NFATC1: variants seen among roughly 807,000 people sequenced by gnomAD.
The protein encoded by NFATC1 is nuclear factor of activated T-cells, cytoplasmic 1.
NFATC1 carries 22 observed loss-of-function variants against 76.0 expected under a neutral mutation model. The observed-to-expected ratio is 0.29, with a 90% CI of 0.21 to 0.41. The LOEUF (loss-of-function observed/expected upper bound fraction) is 0.41, where lower values mean the gene tolerates loss of function less well. NFATC1 is among the 10% of genes least tolerant of loss of function. The probability of loss-of-function intolerance (pLI) is 1.00; values close to 1 mark genes in which losing one functional copy is unlikely to be tolerated. For synonymous variants in NFATC1, 704 were observed against 613.1 expected (o/e 1.15, Z -2.19); for missense variants, 1,357 against 1,337.7 (o/e 1.01, Z -0.23).
intron 8 of NFATC1, among the ~76,000 whole-genome samples, chr18:79,483,906 CCT>C (rs1176107237): frequency 2.1e-5 from 3 of 144,840 alleles, no homozygotes; most frequent in African/African-American, 7.8e-5. Flanking sequence ...TCCAGCGTGA[CCT>C]GGTTCCTGGG....
At chr18:79,482,465 T>C (rs2089317136) in intron 8 of NFATC1, among the ~76,000 whole-genome samples, 1 of 136,418 alleles carries the variant, frequency 7.3e-6, no homozygotes, top group African/African-American at 2.8e-5. Flanking sequence ...CGTGACCTGG[T>C]TCCTGGGGTG....
intron 7 of NFATC1, among the ~76,000 whole-genome samples, chr18:79,466,181 G>A (rs1430976552): frequency 6.6e-6 from 1 of 152,164 alleles, no homozygotes; most frequent in Admixed American, 6.5e-5. Context: ...ACCTCAAGTT[G>A]TCTTCAGTTT....
rs774726183 is a variant in NFATC1 at position 79,410,710 on chromosome 18, C to T, written c.435C>T (p.Leu145=). 5.6e-6 allele frequency: 9 copies of T among 1,613,106 alleles called. No homozygotes were observed. The highest frequency in any genetic ancestry group is 5.9e-6 in the Non-Finnish European group (7 of 1,180,016). Residue 145 remains leucine, a synonymous_variant, in exon 2 of 10, where the codon CTC becomes CTT. Coordinates refer to ENST00000427363, the MANE Select transcript of NFATC1 (RefSeq NM_001278669.2). This position sits in a 1 kb window ranked among gnomAD's most constrained non-coding sequence, Gnocchi z 6.7. ...ACGATGTGGAGGTGGAAGACGTCCT[C>T]CCTAGCTCCAAACGGTCCCCCTCCA... ...FFHDVEVEDV[L]PSSKRSPSTA...
intron 9 of NFATC1, among the ~76,000 whole-genome samples, chr18:79,501,619 C>G (rs536821533): frequency 9.8e-5 from 13 of 132,798 alleles, no homozygotes; most frequent in African/African-American, 3.3e-4. Flanking sequence ...CCCCCCTCCC[C>G]CCGCCAAAAA....
chr18:79,396,634 G>A (rs532231650), intron 1 of NFATC1, among the ~76,000 whole-genome samples: 3 of 152,322 alleles, frequency 2.0e-5, no homozygotes, highest in Non-Finnish European at 2.9e-5. Context: ...GAAGCGGCTC[G>A]CAGGCCGGCG....
chr18:79,402,579 C>G (rs147652211), intron 1 of NFATC1, among the ~76,000 whole-genome samples: 2 of 152,152 alleles, frequency 1.3e-5, no homozygotes, highest in African/African-American at 4.8e-5. Context: ...GTGTCCTTGC[C>G]CCTCCAGAGA....
intron 2 of NFATC1, among the ~76,000 whole-genome samples, chr18:79,423,279 G>A (rs930087502): frequency 1.3e-5 from 2 of 152,192 alleles, no homozygotes; most frequent in Non-Finnish European, 2.9e-5. Flanking sequence ...CCCAGATCCC[G>A]CGCGCTCCCG....
chr18:79,434,613 G>A (rs1043443056), intron 3 of NFATC1, among the ~76,000 whole-genome samples: 2 of 152,272 alleles, frequency 1.3e-5, no homozygotes, highest in African/African-American at 4.8e-5. Context: ...GCAGCACAGA[G>A]GATGTTTTCC....
intron 9 of NFATC1, among the ~76,000 whole-genome samples, chr18:79,523,752 T>C (rs2090675933): frequency 1.3e-5 from 2 of 152,200 alleles, no homozygotes; most frequent in South Asian, 4.1e-4. Flanking sequence ...AGTCGAGTTT[T>C]AGGAAAAAAC....
chr18:79,424,667 A>G (rs59725651), intron 2 of NFATC1, among the ~76,000 whole-genome samples: 40,997 of 113,524 alleles, frequency 0.36, 6,038 homozygotes, highest in Non-Finnish European at 0.4. Context: ...CTGTCTCTCC[A>G]TCTCTGTCTC....
intron 3 of NFATC1, among the ~76,000 whole-genome samples, chr18:79,447,872 G>T (rs1057062915): frequency 6.6e-6 from 1 of 152,230 alleles, no homozygotes; most frequent in African/African-American, 2.4e-5. Context: ...AGAGAAGGAG[G>T]GTGAGAGGGA....
intron 4 of NFATC1, 30 bp downstream of exon 4, chr18:79,449,014 C>CG (rs775093397): frequency 4.4e-6 from 7 of 1,606,540 alleles, no homozygotes; most frequent in African/African-American, 2.7e-5. Context: ...CGGCCTCTGG[C>CG]AGGGGGCGGT....
At position 79,448,856 on chromosome 18, in the gene NFATC1, C is replaced by A; in HGVS notation, c.1461C>A (p.Arg487=). Residue 487 remains arginine, a synonymous_variant, in exon 4 of 10, where the codon CGC becomes CGA. Coordinates refer to ENST00000427363, the MANE Select transcript of NFATC1 (RefSeq NM_001278669.2). Reference sequence around the variant, plus strand: ...GGACGGCGGACGACCGCCTGCTGCGCCCGCACGCCTTCTACCAGGTGCACC... The same window carrying A: ...GGACGGCGGACGACCGCCTGCTGCGACCGCACGCCTTCTACCAGGTGCACC... ...FIGTADDRLL[R]PHAFYQVHRI... The A allele has an allele frequency of 6.2e-7, 1 of 1,613,838 alleles. No individual in the cohort carries two copies. Among genetic ancestry groups the A allele is most frequent in the Non-Finnish European group, 8.5e-7 (1 of 1,180,030 alleles).
chr18:79,480,531 G>A (rs2089235750), intron 8 of NFATC1, among the ~76,000 whole-genome samples: 1 of 152,126 alleles, frequency 6.6e-6, no homozygotes, highest in Non-Finnish European at 1.5e-5. Flanking sequence ...TGTGCCCCTC[G>A]CCACCACCAT....
intron 9 of NFATC1, among the ~76,000 whole-genome samples, chr18:79,489,902 C>G (rs415428): frequency 6.6e-6 from 1 of 152,056 alleles, no homozygotes; most frequent in African/African-American, 2.4e-5. Context: ...GGTGCCGCTT[C>G]GGGGGTCGGG....
At chr18:79,527,084 C>T (rs2090787181) in intron 9 of NFATC1, 1 of 161,958 alleles carries the variant, frequency 6.2e-6, no homozygotes, top group African/African-American at 2.4e-5. Context: ...CGTCACTGGC[C>T]TGTGGGGGAC....
intron 7 of NFATC1, among the ~76,000 whole-genome samples, chr18:79,464,624 A>G (rs1018127273): frequency 7.8e-6 from 1 of 127,440 alleles, no homozygotes; most frequent in Non-Finnish European, 1.7e-5. Flanking sequence ...CACACAGAGT[A>G]CATTATATTG....
chr18:79,408,201 G>A (rs182807464), intron 1 of NFATC1, among the ~76,000 whole-genome samples: 36 of 152,280 alleles, frequency 2.4e-4, no homozygotes, highest in East Asian at 1.4e-3. Flanking sequence ...GCATTTATCC[G>A]TGTTGGTTTC....
chr18:79,462,749 A>G (rs949284108), intron 7 of NFATC1, among the ~76,000 whole-genome samples: 17 of 144,908 alleles, frequency 1.2e-4, no homozygotes, highest in Admixed American at 4.7e-4. Context: ...AGACATGAAC[A>G]TGCTTCTGAG....
Sources: gnomAD v4.1 joint callset for allele counts (sites outside exome capture counted in the v4.1 genomes callset) on GRCh38, gnomAD v4.1.1 for gene constraint, Gnocchi (gnomAD v3.1) non-coding constraint, MANE v1.5 for transcripts, NCBI Gene and HGNC (gene_info 2026-07-23, HGNC 2026-07-21) for gene names.